The following C2CD5 variants were observed in gnomAD, a reference collection of about 807,000 sequenced individuals.
C2CD5 encodes the protein C2 calcium dependent domain containing 5.
In C2CD5, 109 loss-of-function variants were observed where a neutral mutation model predicts 130.3. The observed-to-expected ratio is 0.84, with a 90% CI of 0.72 to 0.98. C2CD5 has a LOEUF of 0.98. Among genes scored for constraint, C2CD5 ranks in the 50% least tolerant of loss-of-function variants. The probability of loss-of-function intolerance (pLI) is 0.00; values close to 1 mark genes in which losing one functional copy is unlikely to be tolerated. For synonymous variants in C2CD5, 454 were observed against 429.2 expected, an observed-to-expected ratio of 1.06 and a Z score of -0.71; for missense variants, 996 against 1,261.8, an observed-to-expected ratio of 0.79 and a Z score of 3.19.
At chr12:22,544,205 C>G in intron 1 of C2CD5, 26 bp from the exon 2 acceptor site, 5 of 1,561,776 alleles carry the variant, frequency 3.2e-6, no homozygotes, top group Non-Finnish European at 4.4e-6. Flanking sequence ...AACGAGTCTG[C>G]GCCGAGCGCG....
intron 2 of C2CD5, among the ~76,000 whole-genome samples, chr12:22,536,193 G>A (rs965089267): frequency 1.8e-4 from 28 of 151,478 alleles, no homozygotes; most frequent in Admixed American, 3.9e-4. Context: ...CTGTATATGC[G>A]CACATTATTT....
At chr12:22,471,303 T>C in intron 20 of C2CD5, 96 bp downstream of exon 20, 1 of 704,522 alleles carries the variant, frequency 1.4e-6, no homozygotes, top group Non-Finnish European at 2.5e-6. Context: ...TAAACTAGTA[T>C]ATGTTTATTT....
chr12:22,481,395 C>A (rs936816793), intron 14 of C2CD5, among the ~76,000 whole-genome samples: 1 of 152,076 alleles, frequency 6.6e-6, no homozygotes, highest in Admixed American at 6.6e-5. Flanking sequence ...AATAACACAG[C>A]CAAAATGCTG....
In C2CD5 at chr12:22,523,491, C is replaced by T. The variant is rs761322249; in HGVS notation, c.735G>A (p.Leu245=). The change falls in exon 7 of 27, where the codon CTG becomes CTA. Residue 245 remains leucine (L), a synonymous_variant. Coordinates refer to ENST00000446597, the MANE Select transcript of C2CD5 (RefSeq NM_001286176.2). The part of the protein sequence containing the change: ...VVRAIGTACT[L]DKLSSPAAFL... ...ATGCTGCTGGGCTACTTAATTTATC[C>T]AGAGTACACGCCGTTCCTATGGCTC... 1.2e-6 allele frequency: 2 copies of T among 1,613,972 alleles called. No homozygotes were observed. The highest frequency in any genetic ancestry group is 4.5e-5 in the East Asian group (2 of 44,870).
At chr12:22,498,436 A>G (rs1303418605) in intron 10 of C2CD5, among the ~76,000 whole-genome samples, 1 of 152,216 alleles carries the variant, frequency 6.6e-6, no homozygotes, top group Non-Finnish European at 1.5e-5. Context: ...TGATCTGTAC[A>G]TTCTATAAAT....
chr12:22,515,615 C>T lies in C2CD5; in HGVS notation c.953-2236G>A, dbSNP rs558788025. 1.1e-4 allele frequency among the ~76,000 whole-genome samples: 17 copies of T among 152,066 alleles called. No individual in the cohort carries two copies. The South Asian group carries it at 1.2e-3, about 11-fold the overall frequency. On this transcript the variant is annotated intron_variant, in intron 8 of 26. Coordinates refer to ENST00000446597, the MANE Select transcript of C2CD5 (RefSeq NM_001286176.2). ...CTAACTAAAAGATAGCATCAATGGG[C>T]ACTTTAATTGAATATCCATAAAAAA...
intron 22 of C2CD5, among the ~76,000 whole-genome samples, chr12:22,467,982 A>G (rs1336854878): frequency 6.6e-6 from 1 of 152,138 alleles, no homozygotes; most frequent in East Asian, 1.9e-4. Context: ...CAACATAGTA[A>G]AACAGAGCTA....
chr12:22,506,027 C>T (rs1164487410), intron 10 of C2CD5, among the ~76,000 whole-genome samples: 2 of 151,984 alleles, frequency 1.3e-5, no homozygotes, highest in East Asian at 1.9e-4. Context: ...GACAGGTGGC[C>T]GTGGTCAAAG....
chr12:22,519,117 G>A (rs1053134349), intron 7 of C2CD5: 30 of 1,535,734 alleles, frequency 2.0e-5, no homozygotes, highest in Non-Finnish European at 2.5e-5. Flanking sequence ...TCTCGTACCA[G>A]TATAGATGAG....
At position 22,484,888 on chromosome 12, in the gene C2CD5, C is replaced by T. The variant is rs1036349387; in HGVS notation, c.1359G>A (p.Arg453=). ...DGTVEGCLEQ[R]LEENLPTRCG... The stretch of plus-strand genomic sequence containing the variant: ...AACGTGTAGGCAAATTTTCTTCAAG[C>T]CTATATAAATAAATAAAAAAATAAG... The change falls in exon 13 of 27, where the codon AGG becomes AGA. Residue 453 remains arginine, a splice_region_variant and synonymous_variant. Coordinates refer to ENST00000446597, the MANE Select transcript of C2CD5 (RefSeq NM_001286176.2). 7 of 1,446,248 alleles carry T rather than the reference C, an allele frequency of 4.8e-6. No homozygotes were observed. Among genetic ancestry groups the T allele is most frequent in the Admixed American group, 4.7e-5 (2 of 42,772 alleles). The allele number at this position is 1,446,248 out of a possible 1,614,324, so 89.6% of individuals were successfully genotyped here.
rs1943600180 is a variant in C2CD5 at position 22,474,838 on chromosome 12, T to C, written c.1956A>G (p.Ser652=). 3 of 1,608,398 alleles carry C rather than the reference T, an allele frequency of 1.9e-6. No individual in the cohort carries two copies. The highest frequency in any genetic ancestry group is 8.5e-7 in the Non-Finnish European group (1 of 1,176,058). ...TTTCTGATTGAGATCTTAGAAGTCT[T>C]GAGCGTTGCCTAGGTTCTGGGATGG... ...GSPIPEPRQR[S]RLLRSQSESS... The change falls in exon 16 of 27, where the codon TCA becomes TCG. Residue 652 remains serine (S), a synonymous_variant. Transcript: ENST00000446597.
intron 13 of C2CD5, among the ~76,000 whole-genome samples, 187 bp from the exon 14 acceptor site, chr12:22,482,930 T>A (rs537136870): frequency 6.6e-6 from 1 of 152,266 alleles, no homozygotes; most frequent in African/African-American, 2.4e-5. Flanking sequence ...TCCTATTTCA[T>A]AACAGGTACA....
At position 22,506,746 on chromosome 12, in the gene C2CD5, C is replaced by CG. The variant is rs1373671694; in HGVS notation, c.1111dup (p.Arg371ProfsTer13). The CG allele has an allele frequency of 6.2e-7, 1 of 1,609,526 alleles. No homozygotes were observed. Among genetic ancestry groups the CG allele is most frequent in the African/African-American group, 1.3e-5 (1 of 74,786 alleles). ...GATACGATCCAAAAGCTTCACAGAA[C>CG]GTGCACTAACTACACCCCCAACGTG... On this transcript the variant is annotated frameshift_variant, in exon 10 of 27. Transcript: ENST00000446597. LOFTEE classifies it high-confidence loss of function.
At chr12:22,460,478 T>TA (rs761061141) in intron 22 of C2CD5, 8 of 152,176 alleles carry the variant, frequency 5.3e-5, no homozygotes, top group African/African-American at 1.2e-4. Context: ...CTTAAATTAA[T>TA]AAAAAAACTT....
chr12:22,544,170 T>G lies in C2CD5; in HGVS notation c.-20A>C, dbSNP rs773523376. ...TGGCATGGTCTCGGTTTCGGCCTCT[T>G]CTTGGGCTCCTGCAGAAACAAACAA... is the stretch of plus-strand genomic sequence containing the variant. On this transcript the variant is annotated 5_prime_UTR_variant, in exon 2 of 27. Coordinates refer to ENST00000446597, the MANE Select transcript of C2CD5 (RefSeq NM_001286176.2). 6.2e-7 allele frequency: 1 copy of G among 1,612,034 alleles called. No homozygotes were observed. The highest frequency in any genetic ancestry group is 8.5e-7 in the Non-Finnish European group (1 of 1,178,222).
intron 10 of C2CD5, among the ~76,000 whole-genome samples, chr12:22,498,699 T>C (rs1947360076): frequency 6.6e-6 from 1 of 152,190 alleles, no homozygotes; most frequent in Admixed American, 6.6e-5. Context: ...TCCTAAGATC[T>C]ATAATCTGTC....
At chr12:22,451,639 T>C (rs912884491) in intron 26 of C2CD5, among the ~76,000 whole-genome samples, 3 of 151,984 alleles carry the variant, frequency 2.0e-5, no homozygotes, top group African/African-American at 7.2e-5. Flanking sequence ...CCCTCAGTTT[T>C]TTTCACCTAC....
chr12:22,544,243 G>T, intron 1 of C2CD5, 64 bp from the exon 2 acceptor site: 1 of 1,307,858 alleles, frequency 7.6e-7, no homozygotes, highest in South Asian at 1.3e-5. Context: ...GCGGAGGCGC[G>T]CGGGGTAACT....
intron 14 of C2CD5, among the ~76,000 whole-genome samples, chr12:22,480,647 G>C (rs1944574709): frequency 1.3e-5 from 2 of 152,114 alleles, no homozygotes; most frequent in African/African-American, 4.8e-5. Flanking sequence ...TTTGAATCCA[G>C]CTCTTAATTG....
Sources: gnomAD v4.1 joint callset for allele counts (sites outside exome capture counted in the v4.1 genomes callset) on GRCh38, gnomAD v4.1.1 for gene constraint, MANE v1.5 for transcripts, NCBI Gene and HGNC (gene_info 2026-07-23, HGNC 2026-07-21) for gene names.